The following MAP3K15 variants were observed in gnomAD, a reference collection of about 807,000 sequenced individuals.
MAP3K15 encodes mitogen-activated protein kinase kinase kinase 15.
MAP3K15 carries 124 observed loss-of-function variants against 99.5 expected under a neutral mutation model. The observed-to-expected ratio is 1.25, with a 90% CI of 1.08 to 1.45. The LOEUF is 1.45. Ranked by LOEUF, MAP3K15 falls within the 40% of genes most tolerant of loss-of-function variation. The pLI is 0.00. For synonymous variants in MAP3K15, 494 were observed against 439.6 expected (o/e 1.12, Z -1.55); for missense variants, 1,242 against 1,079.7 (o/e 1.15, Z -2.11).
intron 2 of MAP3K15, among the ~76,000 whole-genome samples, chrX:19,488,457 T>C (rs1177281671): frequency 1.8e-5 from 2 of 112,105 alleles, no homozygotes; most frequent in Admixed American, 1.9e-4. Flanking sequence ...TTTTTATGTG[T>C]AGGTTTGGAT....
At chrX:19,398,120 G>T in intron 15 of MAP3K15, 106 bp downstream of exon 15, 1 of 906,799 alleles carries the variant, frequency 1.1e-6, no homozygotes, top group Non-Finnish European at 1.5e-6. Context: ...AGGTTTTGTG[G>T]TAACACAATG....
intron 1 of MAP3K15, among the ~76,000 whole-genome samples, chrX:19,503,663 G>A (rs779691193): frequency 5.3e-4 from 58 of 110,217 alleles, no homozygotes; most frequent in Non-Finnish European, 9.9e-4. Flanking sequence ...CTGGCCTCAG[G>A]TGATCTGCCT....
intron 10 of MAP3K15, among the ~76,000 whole-genome samples, chrX:19,414,109 C>T (rs999588800): frequency 2.0e-5 from 2 of 98,199 alleles, no homozygotes; most frequent in Admixed American, 1.2e-4. Context: ...TGCAGTGAGC[C>T]GAGGTTGCAC....
At chrX:19,483,646 A>C (rs1013212681) in intron 3 of MAP3K15, among the ~76,000 whole-genome samples, 1 of 110,734 alleles carries the variant, frequency 9.0e-6, no homozygotes, top group Non-Finnish European at 1.9e-5. Flanking sequence ...TCTGTCTTGG[A>C]ATCTCTGGGG....
At chrX:19,503,777 C>CA (rs1439628478) in intron 1 of MAP3K15, among the ~76,000 whole-genome samples, 1 of 109,966 alleles carries the variant, frequency 9.1e-6, no homozygotes, top group Non-Finnish European at 1.9e-5. Flanking sequence ...CTTGCAGGAG[C>CA]AAATGCACAT....
chrX:19,494,107 A>G (rs926056516), intron 1 of MAP3K15, among the ~76,000 whole-genome samples: 4 of 110,819 alleles, frequency 3.6e-5, no homozygotes, highest in Non-Finnish European at 7.5e-5. Flanking sequence ...CATATAAACC[A>G]TCTTTTCTGA....
At chrX:19,408,140 C>T (rs762836162) in intron 12 of MAP3K15, among the ~76,000 whole-genome samples, 142 of 111,605 alleles carry the variant, frequency 1.3e-3, no homozygotes, top group Non-Finnish European at 2.3e-3. Context: ...TGTAAAGCAA[C>T]CACCACAGTT....
At chrX:19,487,451 C>A (rs2064336798) in intron 2 of MAP3K15, among the ~76,000 whole-genome samples, 1 of 111,369 alleles carries the variant, frequency 9.0e-6, no homozygotes, top group African/African-American at 3.3e-5. Context: ...TTGCTAAGTT[C>A]TAAATATTCC....
chrX:19,398,015 G>C (rs1365626227), intron 15 of MAP3K15, among the ~76,000 whole-genome samples: 1 of 98,368 alleles, frequency 1.0e-5, no homozygotes, highest in African/African-American at 3.9e-5. Flanking sequence ...AGTGAGCCAA[G>C]ATCATGCCAC....
At chrX:19,430,330 A>C (rs2063871044) in intron 7 of MAP3K15, among the ~76,000 whole-genome samples, 1 of 111,678 alleles carries the variant, frequency 9.0e-6, no homozygotes, top group South Asian at 3.8e-4. Context: ...TGGAGAGCTA[A>C]GGTACAGTAT....
rs765475538 is a variant in MAP3K15 at position 19,371,340 on chromosome X, C to CT, written c.3294+4dup. The CT allele has an allele frequency of 3.3e-6, 4 of 1,203,103 alleles. No homozygotes were observed. In the South Asian group the frequency reaches 7.1e-5, roughly 21 times the overall value. On this transcript the variant is annotated splice_donor_region_variant and intron_variant, in intron 23 of 28. Transcript: ENST00000338883. ...GTGTTCCCTAGGGCCAGATGGAGCA[C>CT]TTACGGCATCCTGAAATCCGAACAG...
At chrX:19,478,463 G>A (rs1403301603) in intron 3 of MAP3K15, among the ~76,000 whole-genome samples, 2 of 107,488 alleles carry the variant, frequency 1.9e-5, no homozygotes, top group African/African-American at 6.8e-5. Context: ...TAAGCCATAG[G>A]AAACTGAAGG....
intron 9 of MAP3K15, among the ~76,000 whole-genome samples, chrX:19,420,655 A>G (rs1341642559): frequency 1.8e-5 from 2 of 111,726 alleles, no homozygotes; most frequent in East Asian, 2.8e-4. Context: ...TCAATAGAAA[A>G]AGAGGGAATC....
intron 9 of MAP3K15, among the ~76,000 whole-genome samples, chrX:19,417,238 G>T (rs1008797957): frequency 8.9e-5 from 10 of 112,586 alleles, no homozygotes; most frequent in African/African-American, 3.2e-4. Context: ...AGCTAAAGCA[G>T]GGCGAGGCAC....
intron 18 of MAP3K15, among the ~76,000 whole-genome samples, chrX:19,384,024 A>T (rs776373049): frequency 8.9e-6 from 1 of 112,098 alleles, no homozygotes; most frequent in Non-Finnish European, 1.9e-5. Flanking sequence ...TATCAAAGAG[A>T]TATCTGCACC....
At chrX:19,452,388 G>GAGAAA (rs201782904) in intron 6 of MAP3K15, among the ~76,000 whole-genome samples, 45 of 3,207 alleles carry the variant, frequency 0.014, 16 homozygotes, top group Non-Finnish European at 0.02. Flanking sequence ...GAAAAGAAAA[G>GAGAAA]AGAAAAGAAA....
Position 19,360,724 on chromosome X carries a change from T to A in MAP3K15, c.*25A>T. ...CAAAACATGTAGCGTGGTGGGACAC[T>A]CTGCCACAGCTTAGCTGATTGGTAT... is the stretch of plus-strand genomic sequence containing the variant. On this transcript the variant is annotated 3_prime_UTR_variant, in exon 29 of 29. Coordinates refer to ENST00000338883, the MANE Select transcript of MAP3K15 (RefSeq NM_001001671.4). The A allele has an allele frequency of 8.6e-7, 1 of 1,156,388 alleles. No individual in the cohort carries two copies. The highest frequency in any genetic ancestry group is 1.2e-6 in the Non-Finnish European group (1 of 847,536).
intron 1 of MAP3K15, among the ~76,000 whole-genome samples, chrX:19,505,345 A>C (rs891590447): frequency 6.2e-5 from 7 of 112,140 alleles, no homozygotes; most frequent in Non-Finnish European, 1.1e-4. Context: ...CAGTTGGACT[A>C]GATTTTCAAA....
At chrX:19,505,345 A>G (rs891590447) in intron 1 of MAP3K15, among the ~76,000 whole-genome samples, 1 of 112,140 alleles carries the variant, frequency 8.9e-6, no homozygotes, top group Non-Finnish European at 1.9e-5. Context: ...CAGTTGGACT[A>G]GATTTTCAAA....
Sources: gnomAD v4.1 joint callset for allele counts (sites outside exome capture counted in the v4.1 genomes callset) on GRCh38, gnomAD v4.1.1 for gene constraint, MANE v1.5 for transcripts, NCBI Gene and HGNC (gene_info 2026-07-23, HGNC 2026-07-21) for gene names.